DPP4: variants seen among roughly 807,000 people sequenced by gnomAD.
The protein encoded by DPP4 is dipeptidyl peptidase 4.
In DPP4, 93 loss-of-function variants were observed where a neutral mutation model predicts 122.4. That is an observed-to-expected ratio of 0.76 (90% confidence interval 0.64 to 0.90). The LOEUF is 0.90. DPP4 is among the 40% of genes least tolerant of loss of function. DPP4 has a pLI of 0.00. For missense variants in DPP4, 914 were observed against 907.3 expected, an observed-to-expected ratio of 1.01 and a Z score of -0.09; for synonymous variants, 321 against 302.9, an observed-to-expected ratio of 1.06 and a Z score of -0.62.
intron 23 of DPP4, among the ~76,000 whole-genome samples, chr2:162,000,953 C>A (rs566134514): frequency 2.6e-5 from 4 of 152,136 alleles, no homozygotes; most frequent in Non-Finnish European, 2.9e-5. Context: ...TCCCTCAGTT[C>A]ATCGGACCTG....
intron 1 of DPP4, 147 bp from the exon 2 acceptor site, chr2:162,073,633 G>A (rs990180975): frequency 7.9e-6 from 6 of 761,124 alleles, no homozygotes; most frequent in East Asian, 2.6e-5. Flanking sequence ...TGGGGGTGGC[G>A]TCTGGAGTGC....
At chr2:162,015,041 C>T (rs560526292) in intron 18 of DPP4, among the ~76,000 whole-genome samples, 3 of 152,254 alleles carry the variant, frequency 2.0e-5, no homozygotes, top group South Asian at 4.1e-4. Context: ...TGATCTCCCA[C>T]GGGTCTGTCT....
At chr2:162,072,528 C>G (rs1559729755) in intron 2 of DPP4, among the ~76,000 whole-genome samples, 1 of 152,224 alleles carries the variant, frequency 6.6e-6, no homozygotes, top group Non-Finnish European at 1.5e-5. Context: ...AGTATGCAAG[C>G]ACTGACTATA....
chr2:162,061,983 G>T (rs940769033), intron 2 of DPP4, among the ~76,000 whole-genome samples: 1 of 151,950 alleles, frequency 6.6e-6, no homozygotes, highest in Non-Finnish European at 1.5e-5. Context: ...AAATGTGGTC[G>T]CCAGCCTGGG....
intron 25 of DPP4, among the ~76,000 whole-genome samples, chr2:161,994,701 A>G (rs904732627): frequency 2.0e-5 from 3 of 152,188 alleles, no homozygotes; most frequent in Admixed American, 2.0e-4. Flanking sequence ...GAGACTGAAC[A>G]ATCACATGAA....
At chr2:162,015,284 G>C (rs746998611) in intron 18 of DPP4, among the ~76,000 whole-genome samples, 1 of 151,938 alleles carries the variant, frequency 6.6e-6, no homozygotes, top group South Asian at 2.1e-4. Flanking sequence ...GTTTATGTTT[G>C]TTACGATTAT....
chr2:162,061,842 G>A (rs1279375419), intron 2 of DPP4, among the ~76,000 whole-genome samples: 1 of 152,166 alleles, frequency 6.6e-6, no homozygotes, highest in African/African-American at 2.4e-5. Flanking sequence ...TATTTTAACT[G>A]GGGGAGACAT....
At chr2:162,024,399 T>A (rs1323774390) in intron 11 of DPP4, among the ~76,000 whole-genome samples, 2 of 152,214 alleles carry the variant, frequency 1.3e-5, no homozygotes, top group Non-Finnish European at 2.9e-5. Context: ...TGTGGCCTCA[T>A]GTATTTGTTT....
At chr2:162,011,078 A>G (rs910892444) in intron 20 of DPP4, among the ~76,000 whole-genome samples, 1 of 152,276 alleles carries the variant, frequency 6.6e-6, no homozygotes, top group Non-Finnish European at 1.5e-5. Flanking sequence ...TAATTAAAAT[A>G]TGGGGTAAGA....
chr2:162,043,568 C>A lies in DPP4; in HGVS notation c.366+1964G>T, dbSNP rs566890438. On this transcript the variant is annotated intron_variant, in intron 5 of 25. Transcript: ENST00000360534. ...GGGCCACCAGGGGAATACACGCATTCGTGCACATCAAATGGCTTTTGTTGA... is the reference window on the plus strand; with the variant it reads ...GGGCCACCAGGGGAATACACGCATTAGTGCACATCAAATGGCTTTTGTTGA... Among the ~76,000 whole-genome samples the A allele has an allele frequency of 3.9e-5, 6 of 152,292 alleles. No homozygotes were observed. In the South Asian group the frequency reaches 1.2e-3, roughly 32 times the overall value.
At chr2:162,048,059 G>A (rs189834611) in intron 2 of DPP4, among the ~76,000 whole-genome samples, 1 of 152,220 alleles carries the variant, frequency 6.6e-6, no homozygotes, top group East Asian at 1.9e-4. Flanking sequence ...TGTAGTGGAT[G>A]GCCTGGAGCT....
chr2:162,004,118 G>T (rs1053385053), intron 23 of DPP4, among the ~76,000 whole-genome samples: 2 of 152,158 alleles, frequency 1.3e-5, no homozygotes, highest in African/African-American at 4.8e-5. Context: ...TCCAGACAAA[G>T]TAGGCTACTA....
intron 6 of DPP4, 35 bp from the exon 7 acceptor site, chr2:162,039,056 G>T (rs114176682): frequency 4.3e-6 from 7 of 1,612,442 alleles, no homozygotes; most frequent in African/African-American, 4.0e-5. Context: ...TTATCAAAAA[G>T]AATAACTCAC....
chr2:162,063,617 G>A (rs1275562773), intron 2 of DPP4, among the ~76,000 whole-genome samples: 2 of 151,898 alleles, frequency 1.3e-5, no homozygotes, highest in African/African-American at 4.8e-5. Flanking sequence ...GACACAGAGT[G>A]AGAAGCAACT....
intron 19 of DPP4, 55 bp downstream of exon 19, chr2:162,014,341 G>GA: frequency 6.8e-7 from 1 of 1,470,152 alleles, no homozygotes; most frequent in Non-Finnish European, 9.4e-7. Flanking sequence ...GCTGCACTGA[G>GA]AAAAATATAT....
Position 162,020,221 on chromosome 2 carries a change from A to G in DPP4, c.1244+8T>C. The G allele has an allele frequency of 6.2e-7, 1 of 1,604,722 alleles. No homozygotes were observed. Among genetic ancestry groups the G allele is most frequent in the East Asian group, 2.2e-5 (1 of 44,780 alleles). ...GGTTTATATCCTATCAATTGTTACA[A>G]TACTCACAGATAATCACTGGTTAGA... On this transcript the variant is annotated splice_region_variant and intron_variant, in intron 14 of 25. Coordinates refer to ENST00000360534, the MANE Select transcript of DPP4 (RefSeq NM_001935.4).
chr2:161,992,274 A>G lies in DPP4; in HGVS notation c.*1009T>C, dbSNP rs897952727. ...GAAAAAATGAAGGCACATTTATTAA[A>G]TGACTGGGAGAAATTCCATAGTATG... On this transcript the variant is annotated 3_prime_UTR_variant, in exon 26 of 26. Coordinates refer to ENST00000360534, the MANE Select transcript of DPP4 (RefSeq NM_001935.4). 5 of 152,238 alleles carry G rather than the reference A, an allele frequency of 3.3e-5. No individual in the cohort carries two copies. Among genetic ancestry groups the G allele is most frequent in the Non-Finnish European group, 5.9e-5 (4 of 68,052 alleles). 9.4% of individuals were successfully genotyped at this position (152,238 alleles called of 1,614,324 possible).
chr2:162,026,779 T>C (rs1490661990), intron 10 of DPP4, among the ~76,000 whole-genome samples: 1 of 152,120 alleles, frequency 6.6e-6, no homozygotes, highest in Non-Finnish European at 1.5e-5. Flanking sequence ...GTGAATACAC[T>C]TTACCCAAGA....
intron 2 of DPP4, 52 bp from the exon 3 acceptor site, chr2:162,047,553 A>T: frequency 7.7e-7 from 1 of 1,293,104 alleles, no homozygotes; most frequent in Non-Finnish European, 1.1e-6. Context: ...GAATAACCTA[A>T]GTTTTGGATA....
Sources: allele counts gnomAD v4.1 joint callset (sites outside exome capture counted in the v4.1 genomes callset), GRCh38; gene constraint gnomAD v4.1.1; transcripts MANE v1.5; gene names NCBI Gene and HGNC (gene_info 2026-07-23, HGNC 2026-07-21).